Variants in RAB20 observed in about 807,000 individuals in gnomAD.
RAB20 encodes the protein RAB20, member RAS oncogene family.
Under a neutral mutation model 3.7 loss-of-function variants are expected in RAB20, and 2 were observed. The ratio of observed to expected loss-of-function variants is 0.54; its 90% CI spans 0.22 to 1.69. RAB20 has a LOEUF of 1.69. Ranked by LOEUF, RAB20 falls within the 40% of genes most tolerant of loss-of-function variation. The probability of loss-of-function intolerance (pLI) is 0.19; values close to 1 mark genes in which losing one functional copy is unlikely to be tolerated. For synonymous variants in RAB20, 126 were observed against 130.8 expected (o/e 0.96, Z 0.25); for missense variants, 276 against 311.9 (o/e 0.88, Z 0.87).
rs1001938189 is a variant in RAB20 at position 110,540,974 on chromosome 13, A to G, written c.173-16777T>C. Among the ~76,000 whole-genome samples, 8 of 152,296 alleles carry G rather than the reference A, an allele frequency of 5.3e-5. No individual in the cohort carries two copies. The East Asian group carries it at 1.5e-3, about 29-fold the overall frequency. On this transcript the variant is annotated intron_variant, in intron 1 of 1. Transcript: ENST00000267328. The stretch of plus-strand genomic sequence containing the variant: ...TGCCCATGCCCCTGGAATGGGAGTT[A>G]CCTGGCTGTTGGGTTAAAGTACAGA...
intron 1 of RAB20, among the ~76,000 whole-genome samples, chr13:110,544,385 G>C (rs951298021): frequency 6.6e-6 from 1 of 151,938 alleles, no homozygotes; most frequent in Non-Finnish European, 1.5e-5. Context: ...GGCTATTTTG[G>C]GTCTTCTGTG....
intron 1 of RAB20, among the ~76,000 whole-genome samples, chr13:110,538,655 A>G (rs942921): frequency 0.94 from 141,243 of 150,308 alleles, 66,439 homozygotes; most frequent in African/African-American, 0.97. Flanking sequence ...AAATAAAGAA[A>G]GGCTGAGCAA....
intron 1 of RAB20, among the ~76,000 whole-genome samples, chr13:110,533,306 A>G (rs530753360): frequency 2.6e-5 from 4 of 152,312 alleles, no homozygotes; most frequent in African/African-American, 7.2e-5. Flanking sequence ...TAAAGTTGAG[A>G]GTCATGGGAC....
chr13:110,546,310 A>C (rs1207159320), intron 1 of RAB20, among the ~76,000 whole-genome samples: 2 of 152,206 alleles, frequency 1.3e-5, no homozygotes, highest in Admixed American at 6.5e-5. Context: ...AGACTCAGAG[A>C]CAGGATCATA....
chr13:110,552,159 G>A (rs960370184), intron 1 of RAB20, among the ~76,000 whole-genome samples: 3 of 150,296 alleles, frequency 2.0e-5, no homozygotes, highest in South Asian at 4.2e-4. Context: ...TGGGTGGATT[G>A]CTTGAGGTCA....
At chr13:110,529,824 C>T (rs989420314) in intron 1 of RAB20, among the ~76,000 whole-genome samples, 1 of 152,108 alleles carries the variant, frequency 6.6e-6, no homozygotes, top group South Asian at 2.1e-4. Flanking sequence ...GGTGAGTGAC[C>T]GGAGCCTGGG....
chr13:110,531,177 G>A (rs748754010), intron 1 of RAB20, among the ~76,000 whole-genome samples: 2 of 152,210 alleles, frequency 1.3e-5, no homozygotes, highest in Admixed American at 1.3e-4. Context: ...ACAGACACAG[G>A]AGCGGTGGAG....
intron 1 of RAB20, among the ~76,000 whole-genome samples, chr13:110,548,954 G>A (rs1248048935): frequency 6.6e-6 from 1 of 152,226 alleles, no homozygotes; most frequent in African/African-American, 2.4e-5. Flanking sequence ...GCTCCAGCCA[G>A]GTAAGGGCTG....
At chr13:110,531,246 G>A (rs914473177) in intron 1 of RAB20, among the ~76,000 whole-genome samples, 19 of 152,234 alleles carry the variant, frequency 1.2e-4, no homozygotes, top group African/African-American at 4.6e-4. Flanking sequence ...CACCCCCAGA[G>A]GCAGAGGAAG....
chr13:110,526,792 C>T (rs1049603229), intron 1 of RAB20, among the ~76,000 whole-genome samples: 5 of 152,226 alleles, frequency 3.3e-5, no homozygotes, highest in African/African-American at 7.2e-5. Context: ...GTGATGCCCA[C>T]GACCCTTCAG....
chr13:110,554,161 AC>A (rs1885001273), intron 1 of RAB20, among the ~76,000 whole-genome samples: 1 of 152,192 alleles, frequency 6.6e-6, no homozygotes, highest in Admixed American at 6.5e-5. Context: ...CCCTGGCTCC[AC>A]GTGTTTTGCA....
At position 110,523,735 on chromosome 13, in the gene RAB20, C is replaced by T; in HGVS notation, c.635G>A (p.Arg212Lys). 1 of 1,614,204 alleles carries T rather than the reference C, an allele frequency of 6.2e-7. No individual in the cohort carries two copies. Among genetic ancestry groups the T allele is most frequent in the Non-Finnish European group, 8.5e-7 (1 of 1,180,042 alleles). ...VPMILQQRAERPSHTVDISSH... is the reference protein window; with the variant it reads ...VPMILQQRAEKPSHTVDISSH... Reference sequence around the variant, plus strand: ...GGATATATCCACTGTGTGTGACGGCCTCTCAGCTCTCTGCTGTAAGATCAT... The same window carrying T: ...GGATATATCCACTGTGTGTGACGGCTTCTCAGCTCTCTGCTGTAAGATCAT... The change falls in exon 2 of 2, where the codon AGG (arginine) becomes AAG (lysine). Residue 212 changes from arginine to lysine, a missense_variant. Arg to Lys is a conservative substitution (Grantham distance 26). Coordinates refer to ENST00000267328, the MANE Select transcript of RAB20 (RefSeq NM_017817.3).
At chr13:110,536,713 C>CT (rs11420274) in intron 1 of RAB20, among the ~76,000 whole-genome samples, 12,227 of 26,778 alleles carry the variant, frequency 0.46, 4,256 homozygotes, top group Middle Eastern at 0.75. Flanking sequence ...TCTAAAATGG[C>CT]TTTTTTTTGG....
At chr13:110,536,826 A>G (rs1884650594) in intron 1 of RAB20, among the ~76,000 whole-genome samples, 2 of 149,592 alleles carry the variant, frequency 1.3e-5, no homozygotes, top group African/African-American at 4.9e-5. Context: ...CATGTGCACA[A>G]CGTGCAGGTT....
intron 1 of RAB20, among the ~76,000 whole-genome samples, chr13:110,539,753 T>C (rs991571469): frequency 1.3e-5 from 2 of 152,024 alleles, no homozygotes; most frequent in African/African-American, 4.8e-5. Context: ...AGAGACGGGG[T>C]ATCACCATGT....
In RAB20 at chr13:110,535,501, T is replaced by C. The variant is rs192460188; in HGVS notation, c.173-11304A>G. On this transcript the variant is annotated intron_variant, in intron 1 of 1. Transcript: ENST00000267328. ...TGGATCCTTAAACCACTCTGGGAAG[T>C]CTCTGTTTTCCATTTTCGCAGATCT... 3.9e-5 allele frequency among the ~76,000 whole-genome samples: 6 copies of C among 152,302 alleles called. No homozygotes were observed. The East Asian group carries it at 1.2e-3, about 29-fold the overall frequency.
In RAB20 at chr13:110,555,067, G is replaced by A. The variant is rs557836785; in HGVS notation, c.172+6281C>T. 9.2e-5 allele frequency among the ~76,000 whole-genome samples: 14 copies of A among 152,284 alleles called. No individual in the cohort carries two copies. Among genetic ancestry groups the A allele is most frequent in the Non-Finnish European group, 1.3e-4 (9 of 68,034 alleles). On this transcript the variant is annotated intron_variant, in intron 1 of 1. Transcript: ENST00000267328. The surrounding 1 kb of genome is among the most constrained non-coding windows in gnomAD (Gnocchi z 4.0). ...GCTTCCCAGTCTGTAGGACGGCAAC[G>A]TTGACGCCTCCCAGGAGGAGCCTTG...
At position 110,557,144 on chromosome 13, in the gene RAB20, G is replaced by A. The variant is rs1184993496; in HGVS notation, c.172+4204C>T. On this transcript the variant is annotated intron_variant, in intron 1 of 1. Transcript: ENST00000267328. Reference sequence around the variant, plus strand: ...AGGAGCCAATTACAGGTGGAAGCCTGGGGTCTGAATGAGGACTGTGTTATC... The same window carrying A: ...AGGAGCCAATTACAGGTGGAAGCCTAGGGTCTGAATGAGGACTGTGTTATC... 2.0e-5 allele frequency among the ~76,000 whole-genome samples: 3 copies of A among 152,322 alleles called. No individual in the cohort carries two copies. The East Asian group carries it at 5.8e-4, about 29-fold the overall frequency.
intron 1 of RAB20, among the ~76,000 whole-genome samples, chr13:110,539,557 G>GT (rs1338719384): frequency 7.9e-6 from 1 of 126,872 alleles, no homozygotes; most frequent in African/African-American, 3.3e-5. Flanking sequence ...TTGTTTTTGG[G>GT]TTTTTTGTTT....
Sources: gnomAD v4.1 joint callset for allele counts (sites outside exome capture counted in the v4.1 genomes callset) on GRCh38, gnomAD v4.1.1 for gene constraint, Gnocchi (gnomAD v3.1) non-coding constraint, MANE v1.5 for transcripts, NCBI Gene and HGNC (gene_info 2026-07-23, HGNC 2026-07-21) for gene names.